The following PARD3B variants were observed in gnomAD, a reference collection of about 807,000 sequenced individuals.
PARD3B encodes partitioning defective 3 homolog B.
In PARD3B, 103 loss-of-function variants were observed where a neutral mutation model predicts 130.2. The ratio of observed to expected loss-of-function variants is 0.79; its 90% CI spans 0.67 to 0.93. The LOEUF (loss-of-function observed/expected upper bound fraction) is 0.93. Ranked by LOEUF, PARD3B falls within the 40% of genes least tolerant of loss-of-function variation. PARD3B has a pLI of 0.00. For synonymous variants in PARD3B, 583 were observed against 553.2 expected (o/e 1.05, Z -0.76); for missense variants, 1,609 against 1,499.2 (o/e 1.07, Z -1.21).
At chr2:204,646,512 G>A (rs577273217) in intron 1 of PARD3B, among the ~76,000 whole-genome samples, 17 of 152,066 alleles carry the variant, frequency 1.1e-4, no homozygotes, top group Non-Finnish European at 1.6e-4. Context: ...TATATTAAAC[G>A]TGAATTATCC....
In PARD3B at chr2:205,011,301, A is replaced by T. The variant is rs1007909556; in HGVS notation, c.395-36280A>T. Among the ~76,000 whole-genome samples, 1 of 152,136 alleles carries T rather than the reference A, an allele frequency of 6.6e-6. No individual in the cohort carries two copies. Among genetic ancestry groups the T allele is most frequent in the Non-Finnish European group, 1.5e-5 (1 of 68,022 alleles). On this transcript the variant is annotated intron_variant, in intron 3 of 22. Coordinates refer to ENST00000406610, the MANE Select transcript of PARD3B (RefSeq NM_001302769.2). The surrounding 1 kb of genome is among the most constrained non-coding windows in gnomAD (Gnocchi z 4.1). ...CCCAAGAGTCTGTAGCCAAGCTGTC[A>T]TCTCAAGGATGGGTCAGAGGGCTCA...
At chr2:205,342,778 T>C (rs1346323572) in intron 18 of PARD3B, among the ~76,000 whole-genome samples, 5 of 152,224 alleles carry the variant, frequency 3.3e-5, no homozygotes, top group Non-Finnish European at 7.3e-5. Context: ...TACTGTGTTC[T>C]TTGAACCTTA....
In PARD3B at chr2:205,301,678, G is replaced by C; in HGVS notation, c.2607G>C (p.Lys869Asn). 6.2e-7 allele frequency: 1 copy of C among 1,614,002 alleles called. No individual in the cohort carries two copies. Among genetic ancestry groups the C allele is most frequent in the Non-Finnish European group, 8.5e-7 (1 of 1,179,980 alleles). ...AAGATCCAGAAAGGAAAATAAAGAA[G>C]AAGGGCTTCGGCGCCATGCTGAGGT... The part of the protein sequence containing the change: ...ENEDPERKIK[K>N]KGFGAMLRFG... The change falls in exon 18 of 23, where the codon AAG becomes AAC. Residue 869 changes from lysine to asparagine, a missense_variant. Transcript: ENST00000406610. This position sits in a 1 kb window ranked among gnomAD's most constrained non-coding sequence, Gnocchi z 5.2.
intron 1 of PARD3B, among the ~76,000 whole-genome samples, chr2:204,644,210 G>T (rs112476943): frequency 2.0e-3 from 307 of 152,124 alleles, no homozygotes; most frequent in African/African-American, 6.9e-3. Context: ...TTGAAATTAT[G>T]CTTCCTGTTA....
At chr2:205,370,816 T>C (rs1407300876) in intron 18 of PARD3B, among the ~76,000 whole-genome samples, 1 of 152,216 alleles carries the variant, frequency 6.6e-6, no homozygotes, top group African/African-American at 2.4e-5. Flanking sequence ...TGAAATCTGT[T>C]CATGGTAGAG....
chr2:205,499,403 G>T (rs2050072915), intron 20 of PARD3B, among the ~76,000 whole-genome samples: 2 of 150,492 alleles, frequency 1.3e-5, no homozygotes, highest in Non-Finnish European at 2.9e-5. Context: ...CCCATATATT[G>T]ACATGTATCC....
intron 15 of PARD3B, among the ~76,000 whole-genome samples, chr2:205,210,940 C>G (rs1197372968): frequency 6.6e-6 from 1 of 152,022 alleles, no homozygotes. Context: ...TCAGCCCTTG[C>G]TCACAGGGGA....
rs1464882564 is a variant in PARD3B, at chr2:205,530,779, C to T, written c.3181-22545C>T. Among the ~76,000 whole-genome samples the T allele has an allele frequency of 2.0e-5, 3 of 152,106 alleles. No homozygotes were observed. Among genetic ancestry groups the T allele is most frequent in the Admixed American group, 6.5e-5 (1 of 15,268 alleles). ...GAAAAATATCTTCCTGGATTGGCCA[C>T]ACAGATACTCATGCTGGACGATTCA... On this transcript the variant is annotated intron_variant, in intron 21 of 22. Coordinates refer to ENST00000406610, the MANE Select transcript of PARD3B (RefSeq NM_001302769.2). The surrounding 1 kb of genome is among the most constrained non-coding windows in gnomAD (Gnocchi z 4.7).
chr2:205,104,382 C>A, intron 4 of PARD3B, 44 bp from the exon 5 acceptor site: 1 of 1,366,232 alleles, frequency 7.3e-7, no homozygotes, highest in Non-Finnish European at 1.0e-6. Flanking sequence ...ATTTTCAATT[C>A]AATATGCACA....
intron 20 of PARD3B, among the ~76,000 whole-genome samples, chr2:205,499,327 A>C (rs1482127340): frequency 6.6e-6 from 1 of 151,796 alleles, no homozygotes; most frequent in Non-Finnish European, 1.5e-5. Flanking sequence ...AAAAAAAAAA[A>C]AAAACTTTCT....
In PARD3B at chr2:205,592,933, G is replaced by T. The variant is rs2054439718; in HGVS notation, c.3261-22523G>T. Among the ~76,000 whole-genome samples, 1 of 152,260 alleles carries T rather than the reference G, an allele frequency of 6.6e-6. No individual in the cohort carries two copies. Among genetic ancestry groups the T allele is most frequent in the Non-Finnish European group, 1.5e-5 (1 of 68,042 alleles). On this transcript the variant is annotated intron_variant, in intron 22 of 22. Transcript: ENST00000406610. This position sits in a 1 kb window ranked among gnomAD's most constrained non-coding sequence, Gnocchi z 4.5. The stretch of plus-strand genomic sequence containing the variant: ...TGACTCAGCCTTGAGCAGAAGCACT[G>T]TGTTTTGTCTTTCATCTCATTGCCC...
chr2:204,705,657 T>A (rs1300274539), intron 2 of PARD3B, among the ~76,000 whole-genome samples: 1 of 152,210 alleles, frequency 6.6e-6, no homozygotes, highest in Non-Finnish European at 1.5e-5. Flanking sequence ...GTCAAGCCAC[T>A]GACTGACTAG....
intron 3 of PARD3B, among the ~76,000 whole-genome samples, chr2:205,018,824 A>G (rs11896055): frequency 0.36 from 53,383 of 150,052 alleles, 9,791 homozygotes; most frequent in Admixed American, 0.45. Context: ...GCTTGGCCCA[A>G]TGAGTTTTGC....
intron 2 of PARD3B, among the ~76,000 whole-genome samples, chr2:204,749,612 A>G (rs1346543459): frequency 1.3e-5 from 2 of 151,978 alleles, no homozygotes; most frequent in African/African-American, 4.8e-5. Context: ...TGTTGACAAC[A>G]AAAAAAAGAT....
At chr2:204,567,649 T>C (rs750017414) in intron 1 of PARD3B, among the ~76,000 whole-genome samples, 3 of 152,384 alleles carry the variant, frequency 2.0e-5, no homozygotes, top group Non-Finnish European at 4.4e-5. Context: ...CTTTTGGTTA[T>C]TGCAAATAGT....
In PARD3B at chr2:205,485,417, T is replaced by C. The variant is rs991071347; in HGVS notation, c.3045-14479T>C. Among the ~76,000 whole-genome samples the C allele has an allele frequency of 3.3e-4, 50 of 152,114 alleles. 1 individual carries two copies. Among genetic ancestry groups the C allele is most frequent in the African/African-American group, 1.2e-3 (48 of 41,420 alleles). On this transcript the variant is annotated intron_variant, in intron 20 of 22. Transcript: ENST00000406610. ...GCACGTTAGCCAACAAGTAGGGAGATTGAAATAGAGAACTTTTGCCAATGA... is the reference window on the plus strand; with the variant it reads ...GCACGTTAGCCAACAAGTAGGGAGACTGAAATAGAGAACTTTTGCCAATGA...
chr2:204,824,398 A>G (rs2043487625), intron 2 of PARD3B, among the ~76,000 whole-genome samples: 1 of 152,096 alleles, frequency 6.6e-6, no homozygotes, highest in African/African-American at 2.4e-5. Context: ...TCTGCTTGCT[A>G]GTTCTGGGAA....
chr2:205,225,727 G>A (rs999434124), intron 15 of PARD3B, among the ~76,000 whole-genome samples: 4 of 152,158 alleles, frequency 2.6e-5, no homozygotes, highest in African/African-American at 9.7e-5. Flanking sequence ...GAGAGAAAAG[G>A]GGAAAGTGCC....
chr2:205,355,868 G>A (rs1011122556), intron 18 of PARD3B, among the ~76,000 whole-genome samples: 1 of 152,086 alleles, frequency 6.6e-6, no homozygotes, highest in African/African-American at 2.4e-5. Flanking sequence ...AGGGAAGGGG[G>A]AAGAGCCCCT....
Sources: allele counts gnomAD v4.1 joint callset (sites outside exome capture counted in the v4.1 genomes callset), GRCh38; gene constraint gnomAD v4.1.1; non-coding constraint Gnocchi (gnomAD v3.1); transcripts MANE v1.5; gene names NCBI Gene and HGNC (gene_info 2026-07-23, HGNC 2026-07-21).